The following PI4KB variants were observed in gnomAD, a reference collection of about 807,000 sequenced individuals.
PI4KB encodes phosphatidylinositol 4-kinase beta, also known as PtdIns 4-kinase beta.
A neutral mutation model predicts 81.4 loss-of-function variants in PI4KB; 23 were observed. The observed-to-expected ratio is 0.28, with a 90% CI of 0.20 to 0.40. The LOEUF is 0.40. Ranked by LOEUF, PI4KB falls within the 10% of genes least tolerant of loss-of-function variation. PI4KB has a pLI of 1.00. For missense variants in PI4KB, 651 were observed against 1,036.6 expected (o/e 0.63, Z 5.11); for synonymous variants, 381 against 406.8 (o/e 0.94, Z 0.76).
At chr1:151,314,036 A>C (rs924909326) in intron 2 of PI4KB, among the ~76,000 whole-genome samples, 1 of 152,266 alleles carries the variant, frequency 6.6e-6, no homozygotes, top group Admixed American at 6.5e-5. Context: ...TGCCTGGCAC[A>C]TAAGTGCTGA....
chr1:151,309,971 A>G (rs1035039003), intron 3 of PI4KB, among the ~76,000 whole-genome samples: 2 of 152,122 alleles, frequency 1.3e-5, no homozygotes, highest in East Asian at 3.9e-4. Context: ...ACTGTACTCC[A>G]GCTGTCTCTG....
chr1:151,310,389 A>C (rs953708258), intron 2 of PI4KB, 134 bp from the exon 3 acceptor site: 1 of 639,724 alleles, frequency 1.6e-6, no homozygotes, highest in Non-Finnish European at 2.8e-6. Flanking sequence ...TGCTTTAATA[A>C]AAGAAAGTCA....
chr1:151,320,745 C>T (rs566439648), intron 1 of PI4KB, among the ~76,000 whole-genome samples: 1 of 152,334 alleles, frequency 6.6e-6, no homozygotes, highest in South Asian at 2.1e-4. Context: ...TCAACGGGGA[C>T]CACTACCTTT....
At chr1:151,303,005 T>TC in intron 6 of PI4KB, among the ~76,000 whole-genome samples, 1 of 146,050 alleles carries the variant, frequency 6.8e-6, no homozygotes, top group East Asian at 2.0e-4. Flanking sequence ...GTTTTTTTTT[T>TC]TTTTTTTTTT....
intron 3 of PI4KB, 40 bp downstream of exon 3, chr1:151,310,171 G>C (rs1339985826): frequency 5.3e-6 from 8 of 1,496,954 alleles, no homozygotes; most frequent in Non-Finnish European, 7.4e-6. Context: ...TGCGGCCACT[G>C]GGGGAGCCTG....
At position 151,316,205 on chromosome 1, in the gene PI4KB, G is replaced by T. The variant is rs1028342861; in HGVS notation, c.277C>A (p.Pro93Thr). The change falls in exon 2 of 12, where the codon CCA becomes ACA. Residue 93 changes from proline (P) to threonine (T), a missense_variant. By Grantham distance (38) the Pro-to-Thr change is conservative. Transcript: ENST00000368873. ...TCCTCCTCCCTGATCTGGGCAGGTG[G>T]ATCATCTAGGCAACGGATCTCACTG... ...VDSEIRCLDDPPAQIREEEDE... is the reference protein window; with the variant it reads ...VDSEIRCLDDTPAQIREEEDE... 1.5e-5 allele frequency: 25 copies of T among 1,613,976 alleles called. No individual in the cohort carries two copies. In the Admixed American group the frequency reaches 4.2e-4, roughly 27 times the overall value.
chr1:151,304,418 A>G (rs2101947127), intron 5 of PI4KB, among the ~76,000 whole-genome samples: 1 of 142,636 alleles, frequency 7.0e-6, no homozygotes, highest in East Asian at 2.1e-4. Context: ...ATCTCGGCTC[A>G]CTGCGACCTC....
intron 1 of PI4KB, among the ~76,000 whole-genome samples, chr1:151,317,431 C>T (rs1648129498): frequency 6.6e-6 from 1 of 152,076 alleles, no homozygotes; most frequent in South Asian, 2.1e-4. Context: ...ATCCTCCTAC[C>T]TCAGCTTCCC....
In PI4KB at chr1:151,292,663, C is replaced by G; in HGVS notation, c.*189G>C. 1.7e-6 allele frequency: 1 copy of G among 602,320 alleles called. No homozygotes were observed. The highest frequency in any genetic ancestry group is 2.0e-5 in the South Asian group (1 of 49,722). The allele number at this position is 602,320 out of a possible 1,614,324, so 37.3% of individuals were successfully genotyped here. A position where few individuals can be genotyped will look rare whatever the true frequency, so the allele number is the denominator to read the frequency against. On this transcript the variant is annotated 3_prime_UTR_variant, in exon 12 of 12. Transcript: ENST00000368873. ...CAGGGAAGCCCCAACAAGTCTGGACCCCACAGCTGGCTCTCCCACCCCTCA... is the reference window on the plus strand; with the variant it reads ...CAGGGAAGCCCCAACAAGTCTGGACGCCACAGCTGGCTCTCCCACCCCTCA...
rs1367360537 is a variant in PI4KB, at chr1:151,302,263, G to C, written c.1556C>G (p.Thr519Arg). ...RLSEQLAHTP[T>R]AFKRDPEDPS... The stretch of plus-strand genomic sequence containing the variant: ...ATCTTCTGGGTCTCGTTTGAAGGCT[G>C]TCGGGGTATGAGCCAGCTGTTCCGA... The change falls in exon 7 of 12, where the codon ACA (threonine) becomes AGA (arginine). Residue 519 changes from threonine (T) to arginine (R), a missense_variant. Coordinates refer to ENST00000368873, the MANE Select transcript of PI4KB (RefSeq NM_001369623.2). The C allele has an allele frequency of 1.9e-6, 3 of 1,614,168 alleles. No homozygotes were observed. The highest frequency in any genetic ancestry group is 1.1e-5 in the South Asian group (1 of 91,090).
At chr1:151,302,337 AC>A (rs755918769) in intron 6 of PI4KB, 39 bp from the exon 7 acceptor site, 1 of 1,431,894 alleles carries the variant, frequency 7.0e-7, no homozygotes, top group Non-Finnish European at 9.9e-7. Context: ...TGGAGAAGCT[AC>A]CCCCAAGCCC....
chr1:151,300,589 A>C (rs587755163), intron 8 of PI4KB: 1 of 151,930 alleles, frequency 6.6e-6, no homozygotes, highest in Non-Finnish European at 1.5e-5. Context: ...CCTGGGAAAC[A>C]AGAGCAGAAC....
At chr1:151,324,279 A>C (rs916810923) in intron 1 of PI4KB, among the ~76,000 whole-genome samples, 1 of 152,132 alleles carries the variant, frequency 6.6e-6, no homozygotes, top group South Asian at 2.1e-4. Context: ...ATTTTTAAAG[A>C]GAGGTTGCTC....
Position 151,302,138 on chromosome 1 carries a change from C to T in PI4KB, c.1625+56G>A. 3 of 1,524,324 alleles carry T rather than the reference C, an allele frequency of 2.0e-6. No homozygotes were observed. In the South Asian group the frequency reaches 3.4e-5, roughly 17 times the overall value. 94.4% of individuals were successfully genotyped at this position (1,524,324 alleles called of 1,614,324 possible). On this transcript the variant is annotated intron_variant, in intron 7 of 11. Coordinates refer to ENST00000368873, the MANE Select transcript of PI4KB (RefSeq NM_001369623.2). ...TGGACAATAAAGTTGGTGCAGTGAGCACTTACAACTGCCTCTGAGCTTTGA... is the reference window on the plus strand; with the variant it reads ...TGGACAATAAAGTTGGTGCAGTGAGTACTTACAACTGCCTCTGAGCTTTGA...
intron 7 of PI4KB, 33 bp downstream of exon 7, chr1:151,302,161 T>C: frequency 6.4e-7 from 1 of 1,561,956 alleles, no homozygotes; most frequent in Non-Finnish European, 8.8e-7. Context: ...CTCTGAGCTT[T>C]GAGAGGGGTT....
chr1:151,302,873 G>A (rs1370497418), intron 6 of PI4KB, among the ~76,000 whole-genome samples: 2 of 148,534 alleles, frequency 1.3e-5, no homozygotes, highest in African/African-American at 2.5e-5. Flanking sequence ...GTGAGCCACC[G>A]CACCCAGCCT....
chr1:151,297,347 AT>A lies in PI4KB; in HGVS notation c.2015+1460del, dbSNP rs1234220289. On this transcript the variant is annotated intron_variant, in intron 9 of 11. Transcript: ENST00000368873. ...CTCCTGCCTCGGCCTTGTTGGCTAG[AT>A]TTTTTTTTTTTTTTTTTGAGACTCG... Among the ~76,000 whole-genome samples the A allele has an allele frequency of 4.2e-3, 561 of 133,350 alleles. 3 individuals carry two copies. The highest frequency in any genetic ancestry group is 6.6e-3 in the African/African-American group (240 of 36,200). 87.5% of individuals were successfully genotyped at this position (133,350 alleles called of 152,430 possible).
chr1:151,322,834 T>C (rs536433435), intron 1 of PI4KB, among the ~76,000 whole-genome samples: 34 of 152,300 alleles, frequency 2.2e-4, no homozygotes, highest in African/African-American at 7.9e-4. Flanking sequence ...TGGTTGGGGA[T>C]GCTTCCAAGG....
intron 2 of PI4KB, among the ~76,000 whole-genome samples, chr1:151,311,279 G>A (rs373708473): frequency 6.6e-6 from 1 of 152,280 alleles, no homozygotes; most frequent in South Asian, 2.1e-4. Flanking sequence ...AGGTCGGGGT[G>A]GGGGAGGTTA....
Sources: allele counts gnomAD v4.1 joint callset (sites outside exome capture counted in the v4.1 genomes callset), GRCh38; gene constraint gnomAD v4.1.1; transcripts MANE v1.5; gene names NCBI Gene and HGNC (gene_info 2026-07-23, HGNC 2026-07-21).